SMTN: variants seen among roughly 807,000 people sequenced by gnomAD.
The protein encoded by SMTN is smoothelin.
In SMTN, 58 loss-of-function variants were observed where a neutral mutation model predicts 102.0. That is an observed-to-expected ratio of 0.57 (90% confidence interval 0.46 to 0.71). SMTN has a LOEUF of 0.71. Ranked by LOEUF, SMTN falls within the 30% of genes least tolerant of loss-of-function variation. The probability of loss-of-function intolerance (pLI) is 0.00; values close to 1 mark genes in which losing one functional copy is unlikely to be tolerated. For missense variants in SMTN, 1,185 were observed against 1,241.7 expected, an observed-to-expected ratio of 0.95 and a Z score of 0.69; for synonymous variants, 478 against 497.9, an observed-to-expected ratio of 0.96 and a Z score of 0.53.
upstream of SMTN, among the ~76,000 whole-genome samples, chr22:31,079,553 C>T (rs1239207080): frequency 6.6e-6 from 1 of 152,220 alleles, no homozygotes; most frequent in African/African-American, 2.4e-5. Context: ...CCTAGGTGTG[C>T]CCTGCATGAA....
intron 7 of SMTN, 28 bp from the exon 8 acceptor site, chr22:31,090,080 G>A: frequency 6.2e-7 from 1 of 1,611,346 alleles, no homozygotes; most frequent in Non-Finnish European, 8.5e-7. Context: ...GTCAGGCCTT[G>A]CTCAGGCCCT....
chr22:31,088,152 A>C, intron 3 of SMTN, 39 bp downstream of exon 3: 1 of 1,557,644 alleles, frequency 6.4e-7, no homozygotes, highest in East Asian at 2.3e-5. Flanking sequence ...TGAGAAGGTG[A>C]GTGTGAGCCC....
At chr22:31,072,709 G>A (rs1212795625) in intron 1 of SMTN, among the ~76,000 whole-genome samples, 7 of 152,006 alleles carry the variant, frequency 4.6e-5, no homozygotes, top group Admixed American at 1.3e-4. Context: ...TGATCTGCCC[G>A]CCTCAGCCCC....
At chr22:31,085,077 G>A in intron 2 of SMTN, 1 of 1,533,974 alleles carries the variant, frequency 6.5e-7, no homozygotes, top group South Asian at 1.2e-5. Flanking sequence ...CCGGGGATGG[G>A]AGGAATGGGG....
intron 20 of SMTN, 31 bp downstream of exon 20, chr22:31,101,080 G>A (rs755372209): frequency 2.0e-5 from 31 of 1,560,726 alleles, no homozygotes; most frequent in East Asian, 1.7e-4. Context: ...CACCTGCCCC[G>A]TTTCACCAGA....
chr22:31,085,183 T>A (rs2042593332), intron 2 of SMTN: 3 of 1,535,508 alleles, frequency 2.0e-6, no homozygotes, highest in South Asian at 1.2e-5. Flanking sequence ...GCCACTCAGC[T>A]GGGTGTCCTG....
At chr22:31,098,881 T>G in intron 17 of SMTN, 41 bp downstream of exon 17, 2 of 1,430,754 alleles carry the variant, frequency 1.4e-6, no homozygotes, top group Non-Finnish European at 1.9e-6. Flanking sequence ...GGGCGGGGCG[T>G]GATAGGCAGT....
In SMTN at chr22:31,083,323, T is replaced by G; in HGVS notation, c.51+14T>G. Reference sequence around the variant, plus strand: ...CTTCGGAAGCTGGTAAGTGGCCCCATCACCCACTGTGGGGACAGGAAAGCC... The same window carrying G: ...CTTCGGAAGCTGGTAAGTGGCCCCAGCACCCACTGTGGGGACAGGAAAGCC... On this transcript the variant is annotated intron_variant, in intron 2 of 20. Coordinates refer to ENST00000333137, the MANE Select transcript of SMTN (RefSeq NM_134269.3). 1 of 1,548,710 alleles carries G rather than the reference T, an allele frequency of 6.5e-7. No individual in the cohort carries two copies. The highest frequency in any genetic ancestry group is 8.7e-7 in the Non-Finnish European group (1 of 1,147,532).
intron 11 of SMTN, chr22:31,093,763 G>C: frequency 6.3e-7 from 1 of 1,585,006 alleles, no homozygotes; most frequent in South Asian, 1.1e-5. Context: ...GGCTGCCGCC[G>C]ACCCCGAGGC....
chr22:31,072,708 C>T (rs142610339), intron 1 of SMTN, among the ~76,000 whole-genome samples: 4,643 of 152,232 alleles, frequency 0.03, 108 homozygotes, highest in Middle Eastern at 0.092. Flanking sequence ...GTGATCTGCC[C>T]GCCTCAGCCC....
In SMTN at chr22:31,090,851, C is replaced by T. The variant is rs1191497740; in HGVS notation, c.909C>T (p.Leu303=). 3 of 1,613,868 alleles carry T rather than the reference C, an allele frequency of 1.9e-6. No homozygotes were observed. Among genetic ancestry groups the T allele is most frequent in the Non-Finnish European group, 2.5e-6 (3 of 1,179,944 alleles). Residue 303 remains leucine (L), a synonymous_variant, in exon 9 of 21, where the codon CTC becomes CTT. Coordinates refer to ENST00000333137, the MANE Select transcript of SMTN (RefSeq NM_134269.3). ...PRPCQRSLSV[L]SPRQPAQNRE... is the part of the protein sequence containing the mutation. ...CCTGCCAACGCTCCCTGTCGGTGCT[C>T]AGCCCCCGCCAACCAGCCCAGAACC... is the stretch of plus-strand genomic sequence containing the variant.
intron 2 of SMTN, chr22:31,085,221 C>T (rs971734887): frequency 6.5e-7 from 1 of 1,534,404 alleles, no homozygotes; most frequent in Admixed American, 2.0e-5. Flanking sequence ...CCTTTAGATC[C>T]GGACACTGAA....
Position 31,095,743 on chromosome 22 carries a change from A to G in SMTN, c.1861+134A>G. 2.7e-6 allele frequency: 2 copies of G among 734,238 alleles called. No homozygotes were observed. Among genetic ancestry groups the G allele is most frequent in the South Asian group, 1.8e-5 (1 of 55,412 alleles). 45.5% of individuals were successfully genotyped at this position (734,238 alleles called of 1,614,324 possible). On this transcript the variant is annotated intron_variant, in intron 13 of 20. Transcript: ENST00000333137. This position sits in a 1 kb window ranked among gnomAD's most constrained non-coding sequence, Gnocchi z 4.1. The stretch of plus-strand genomic sequence containing the variant: ...CAGCTTCTCCTTCTCTAGACCCAGC[A>G]GTTCCCTTGGCTATTCCCTGCTGGA...
chr22:31,066,927 G>GT (rs2041864479), intron 1 of SMTN: 1 of 151,446 alleles, frequency 6.6e-6, no homozygotes, highest in African/African-American at 2.4e-5. Flanking sequence ...GCTAACTTTT[G>GT]TATTTTTTTG....
intron 20 of SMTN, chr22:31,102,999 CT>C (rs2044219679): frequency 6.6e-6 from 1 of 152,270 alleles, no homozygotes; most frequent in African/African-American, 2.4e-5. Context: ...TAGAGAATAA[CT>C]GTCCTGTTCT....
intron 1 of SMTN, among the ~76,000 whole-genome samples, chr22:31,072,514 G>A (rs1383533414): frequency 7.3e-5 from 11 of 151,696 alleles, no homozygotes; most frequent in African/African-American, 2.2e-4. Context: ...CCAGGCTGGA[G>A]GGCAATGCAC....
In SMTN at chr22:31,100,922, G is replaced by C; in HGVS notation, c.2641G>C (p.Asp881His). 4 of 1,611,650 alleles carry C rather than the reference G, an allele frequency of 2.5e-6. No homozygotes were observed. The highest frequency in any genetic ancestry group is 3.4e-6 in the Non-Finnish European group (4 of 1,179,438). ...ADCPQLLDTE[D>H]MVRLREPDWK... ...CTGCCCGCAGCTCCTGGATACAGAG[G>C]ACATGGTGCGGCTTCGAGAGCCTGA... is the stretch of plus-strand genomic sequence containing the variant. The change falls in exon 20 of 21, where the codon GAC (aspartate) becomes CAC (histidine). Residue 881 changes from aspartate to histidine, a missense_variant. Coordinates refer to ENST00000333137, the MANE Select transcript of SMTN (RefSeq NM_134269.3).
At chr22:31,072,604 G>A (rs1247854885) in intron 1 of SMTN, among the ~76,000 whole-genome samples, 1 of 152,130 alleles carries the variant, frequency 6.6e-6, no homozygotes, top group Non-Finnish European at 1.5e-5. Context: ...TGGGATTACA[G>A]GTGCCCGCCA....
At chr22:31,085,105 C>T (rs778519871) in intron 2 of SMTN, 1 of 1,535,160 alleles carries the variant, frequency 6.5e-7, no homozygotes, top group Non-Finnish European at 8.7e-7. Flanking sequence ...GGGACTTGCA[C>T]GCCGCGTGCC....
Sources: gnomAD v4.1 joint callset for allele counts (sites outside exome capture counted in the v4.1 genomes callset) on GRCh38, gnomAD v4.1.1 for gene constraint, Gnocchi (gnomAD v3.1) non-coding constraint, MANE v1.5 for transcripts, NCBI Gene and HGNC (gene_info 2026-07-23, HGNC 2026-07-21) for gene names.